LMNB1: variants seen among roughly 807,000 people sequenced by gnomAD.
The protein encoded by LMNB1 is lamin-B1.
LMNB1 carries 23 observed loss-of-function variants against 67.1 expected under a neutral mutation model. The ratio of observed to expected loss-of-function variants is 0.34; its 90% CI spans 0.25 to 0.49. LMNB1 has a LOEUF of 0.49. Ranked by LOEUF, LMNB1 falls within the 20% of genes least tolerant of loss-of-function variation. The pLI, the probability that LMNB1 is intolerant of heterozygous loss-of-function variation, is 0.99. For synonymous variants in LMNB1, 281 were observed against 282.9 expected, an observed-to-expected ratio of 0.99 and a Z score of 0.07; for missense variants, 634 against 746.5, an observed-to-expected ratio of 0.85 and a Z score of 1.76.
At chr5:126,825,805 G>A (rs1751980478) in intron 8 of LMNB1, among the ~76,000 whole-genome samples, 183 bp from the exon 9 acceptor site, 1 of 152,274 alleles carries the variant, frequency 6.6e-6, no homozygotes, top group East Asian at 1.9e-4. Flanking sequence ...TATCAGATGG[G>A]GAAGCTGAGG....
chr5:126,835,666 T>G (rs890039265), intron 10 of LMNB1, among the ~76,000 whole-genome samples: 1 of 152,244 alleles, frequency 6.6e-6, no homozygotes, highest in Non-Finnish European at 1.5e-5. Context: ...TGAGAAATTC[T>G]TATTTGATTG....
chr5:126,807,493 AT>A (rs1334954717), intron 3 of LMNB1, among the ~76,000 whole-genome samples: 1 of 152,148 alleles, frequency 6.6e-6, no homozygotes, highest in Non-Finnish European at 1.5e-5. Flanking sequence ...TAATACTGCT[AT>A]TTTTTTCTTC....
chr5:126,814,191 G>A (rs1751648851), intron 5 of LMNB1, among the ~76,000 whole-genome samples: 1 of 152,150 alleles, frequency 6.6e-6, no homozygotes, highest in South Asian at 2.1e-4. Context: ...CACTGCACCT[G>A]GCCTATATCA....
chr5:126,778,003 G>A, intron 1 of LMNB1, 136 bp downstream of exon 1: 1 of 783,890 alleles, frequency 1.3e-6, no homozygotes, highest in Non-Finnish European at 1.8e-6. Flanking sequence ...ACAGGGTCTC[G>A]GTCTCCGGAA....
chr5:126,793,878 A>G (rs1038737184), intron 1 of LMNB1, among the ~76,000 whole-genome samples: 1 of 151,682 alleles, frequency 6.6e-6, no homozygotes, highest in Non-Finnish European at 1.5e-5. Context: ...CTCCATCTCC[A>G]AAAAGAAAGA....
chr5:126,813,159 T>G (rs1008357575), intron 5 of LMNB1, among the ~76,000 whole-genome samples: 3 of 152,256 alleles, frequency 2.0e-5, no homozygotes, highest in Non-Finnish European at 4.4e-5. Context: ...ATGAGTCCCA[T>G]AAAATGGGGT....
chr5:126,830,088 G>A (rs564653171), intron 9 of LMNB1, among the ~76,000 whole-genome samples: 4 of 152,226 alleles, frequency 2.6e-5, no homozygotes, highest in East Asian at 3.9e-4. Context: ...ATCATCTTTC[G>A]TCCACATAAG....
chr5:126,803,437 G>A lies in LMNB1; in HGVS notation c.360-1339G>A, dbSNP rs561418671. ...ATTTTTTTGTATTTTTAGTAGAGAC[G>A]GGGTTTCTCCATGTTGGTCAGGCAG... On this transcript the variant is annotated intron_variant, in intron 1 of 10. Coordinates refer to ENST00000261366, the MANE Select transcript of LMNB1 (RefSeq NM_005573.4). Among the ~76,000 whole-genome samples, 173 of 151,692 alleles carry A rather than the reference G, an allele frequency of 1.1e-3. 2 individuals are homozygous for A. Among genetic ancestry groups the A allele is most frequent in the African/African-American group, 3.8e-3 (156 of 41,380 alleles).
At chr5:126,812,009 A>T in intron 5 of LMNB1, 111 bp downstream of exon 5, 1 of 1,075,930 alleles carries the variant, frequency 9.3e-7, no homozygotes, top group Non-Finnish European at 1.4e-6. Context: ...GTTACAGAGG[A>T]TGGTGTCATC....
At chr5:126,800,674 C>T (rs1257222618) in intron 1 of LMNB1, among the ~76,000 whole-genome samples, 21 of 87,480 alleles carry the variant, frequency 2.4e-4, no homozygotes, top group Admixed American at 1.5e-3. Context: ...TTTTTTGAGA[C>T]GGAGTTTCAC....
intron 9 of LMNB1, among the ~76,000 whole-genome samples, chr5:126,829,748 A>T (rs1012285859): frequency 4.6e-5 from 7 of 151,966 alleles, no homozygotes; most frequent in African/African-American, 1.7e-4. Context: ...CCACCTCTAA[A>T]CCAGTTCCTG....
intron 1 of LMNB1, among the ~76,000 whole-genome samples, chr5:126,792,490 C>G (rs1325271136): frequency 2.6e-5 from 4 of 151,868 alleles, no homozygotes; most frequent in Non-Finnish European, 5.9e-5. Flanking sequence ...TTCATAGTCC[C>G]TCTTTGCTAA....
In LMNB1 at chr5:126,820,778, G is replaced by A. The variant is rs953241656; in HGVS notation, c.1161-132G>A. On this transcript the variant is annotated intron_variant, in intron 6 of 10. Transcript: ENST00000261366. ...TGACCTCAAGCAATCCACCTGCCTT[G>A]GCCTCCCAAAGTGCTGTTGGGTTAC... 2.9e-5 allele frequency: 19 copies of A among 655,742 alleles called. 1 individual carries two copies. The highest frequency in any genetic ancestry group is 5.5e-5 in the African/African-American group (3 of 54,708). 40.6% of individuals were successfully genotyped at this position (655,742 alleles called of 1,614,324 possible).
intron 1 of LMNB1, among the ~76,000 whole-genome samples, chr5:126,802,512 C>G (rs755072887): frequency 2.0e-5 from 3 of 152,148 alleles, no homozygotes; most frequent in Non-Finnish European, 4.4e-5. Context: ...GGTATGATCT[C>G]GGCTCACTGC....
chr5:126,818,150 T>C (rs1343096857), intron 5 of LMNB1, among the ~76,000 whole-genome samples: 1 of 152,172 alleles, frequency 6.6e-6, no homozygotes, highest in Non-Finnish European at 1.5e-5. Flanking sequence ...CCAGAGTCCC[T>C]TTGCCTTGGT....
At chr5:126,827,156 G>A (rs1752016416) in intron 9 of LMNB1, among the ~76,000 whole-genome samples, 1 of 152,134 alleles carries the variant, frequency 6.6e-6, no homozygotes, top group Non-Finnish European at 1.5e-5. Context: ...TGGCAAACCT[G>A]GTAGGGAAGC....
At chr5:126,791,579 T>C (rs1464237874) in intron 1 of LMNB1, among the ~76,000 whole-genome samples, 1 of 149,912 alleles carries the variant, frequency 6.7e-6, no homozygotes, top group East Asian at 2.0e-4. Flanking sequence ...CACCTTAGCC[T>C]CTGGAGTAGT....
chr5:126,790,167 A>G (rs1203549456), intron 1 of LMNB1, among the ~76,000 whole-genome samples: 1 of 152,032 alleles, frequency 6.6e-6, no homozygotes, highest in East Asian at 1.9e-4. Context: ...AGTGAGTGGT[A>G]TGATCTCTGC....
At chr5:126,809,167 G>A (rs1475870867) in intron 3 of LMNB1, among the ~76,000 whole-genome samples, 3 of 152,124 alleles carry the variant, frequency 2.0e-5, no homozygotes, top group African/African-American at 2.4e-5. Context: ...GAGCCACCGC[G>A]CCCAGCCTTC....
Sources: allele counts gnomAD v4.1 joint callset (sites outside exome capture counted in the v4.1 genomes callset), GRCh38; gene constraint gnomAD v4.1.1; transcripts MANE v1.5; gene names NCBI Gene and HGNC (gene_info 2026-07-23, HGNC 2026-07-21).